Variants in LRRC72 observed in about 807,000 individuals in gnomAD.
LRRC72 encodes the protein leucine rich repeat containing 72.
A neutral mutation model predicts 35.8 loss-of-function variants in LRRC72; 41 were observed. That is an observed-to-expected ratio of 1.15 (90% CI 0.89 to 1.49). The LOEUF (loss-of-function observed/expected upper bound fraction) is 1.49. Among genes scored for constraint, LRRC72 ranks in the 40% most tolerant of loss-of-function variants. LRRC72 has a pLI of 0.00. For missense variants in LRRC72, 389 were observed against 330.7 expected (o/e 1.18, Z -1.37); for synonymous variants, 118 against 119.2 (o/e 0.99, Z 0.07).
intron 5 of LRRC72, among the ~76,000 whole-genome samples, chr7:16,562,775 C>A (rs1782765460): frequency 6.6e-6 from 1 of 152,190 alleles, no homozygotes; most frequent in Non-Finnish European, 1.5e-5. Context: ...GACCACCCCT[C>A]CCAAAAGACA....
At chr7:16,527,666 C>T (rs1782094622) in intron 1 of LRRC72, among the ~76,000 whole-genome samples, 1 of 152,028 alleles carries the variant, frequency 6.6e-6, no homozygotes, top group South Asian at 2.1e-4. Flanking sequence ...CCTAGCAAGG[C>T]TTTCTGGAGT....
At position 16,547,433 on chromosome 7, in the gene LRRC72, C is replaced by T. The variant is rs559409611; in HGVS notation, c.234+9737C>T. ...AAGCCATGGCTGCAACCTGGGCACC[C>T]CTGTGCTCTTGGGATCTGGGAGCAG... On this transcript the variant is annotated intron_variant, in intron 3 of 8. Coordinates refer to ENST00000401542, the MANE Select transcript of LRRC72 (RefSeq NM_001195280.2). 6.0e-4 allele frequency among the ~76,000 whole-genome samples: 91 copies of T among 152,278 alleles called. 5 individuals carry two copies. The South Asian group carries it at 0.018, about 31-fold the overall frequency.
chr7:16,570,312 G>A (rs1296063387), intron 7 of LRRC72, among the ~76,000 whole-genome samples: 2 of 152,178 alleles, frequency 1.3e-5, no homozygotes, highest in Non-Finnish European at 2.9e-5. Context: ...GAATGCCCTT[G>A]AGACAGGTCT....
chr7:16,570,353 C>T (rs572238802), intron 7 of LRRC72, among the ~76,000 whole-genome samples: 1 of 152,204 alleles, frequency 6.6e-6, no homozygotes. Context: ...GCTCTCCTTA[C>T]TGCCTTCTGG....
chr7:16,554,938 G>C (rs116540265), intron 3 of LRRC72, among the ~76,000 whole-genome samples: 1,824 of 152,298 alleles, frequency 0.012, 41 homozygotes, highest in African/African-American at 0.042. Context: ...AAAAAGTTCT[G>C]ATTTCCACTG....
rs749552183 is a variant in LRRC72 at position 16,532,635 on chromosome 7, A to G, written c.164+67A>G. The G allele has an allele frequency of 3.3e-6, 4 of 1,223,084 alleles. No individual in the cohort carries two copies. The South Asian group carries it at 3.9e-5, about 12-fold the overall frequency. The allele number at this position is 1,223,084 out of a possible 1,614,324, so 75.8% of individuals were successfully genotyped here. Reference sequence around the variant, plus strand: ...TCATGATCATGTTAAAATGTTTCACAGATTCAAATGTTATTTTCCATTTTT... The same window carrying G: ...TCATGATCATGTTAAAATGTTTCACGGATTCAAATGTTATTTTCCATTTTT... On this transcript the variant is annotated intron_variant, in intron 2 of 8. Coordinates refer to ENST00000401542, the MANE Select transcript of LRRC72 (RefSeq NM_001195280.2).
At chr7:16,534,624 CAG>C (rs1319972515) in intron 2 of LRRC72, among the ~76,000 whole-genome samples, 1 of 151,928 alleles carries the variant, frequency 6.6e-6, no homozygotes, top group Non-Finnish European at 1.5e-5. Context: ...GCCTGGGTGA[CAG>C]AGCGAGACTC....
At chr7:16,579,750 A>G (rs1223753288) in intron 7 of LRRC72, among the ~76,000 whole-genome samples, 1 of 152,160 alleles carries the variant, frequency 6.6e-6, no homozygotes, top group Non-Finnish European at 1.5e-5. Flanking sequence ...ATCAGCCTCA[A>G]TATCTTAATT....
intron 3 of LRRC72, among the ~76,000 whole-genome samples, chr7:16,539,188 G>C (rs573480237): frequency 6.6e-6 from 1 of 152,170 alleles, no homozygotes; most frequent in Non-Finnish European, 1.5e-5. Context: ...TGGACAATGA[G>C]GTCCAGGCTG....
chr7:16,581,541 C>T lies in LRRC72; in HGVS notation c.*52C>T, dbSNP rs921169271. ...GGTTTTCAGTTGTATATTAAACTTCCCTGTGACTTAGCATATTACATACTT... is the reference window on the plus strand; with the variant it reads ...GGTTTTCAGTTGTATATTAAACTTCTCTGTGACTTAGCATATTACATACTT... On this transcript the variant is annotated 3_prime_UTR_variant, in exon 9 of 9. Coordinates refer to ENST00000401542, the MANE Select transcript of LRRC72 (RefSeq NM_001195280.2). The T allele has an allele frequency of 7.4e-6, 10 of 1,348,648 alleles. No homozygotes were observed. The African/African-American group carries it at 1.5e-4, about 20-fold the overall frequency. 83.5% of individuals were successfully genotyped at this position (1,348,648 alleles called of 1,614,324 possible). A position where few individuals can be genotyped will look rare whatever the true frequency, so the allele number is the denominator to read the frequency against.
At chr7:16,551,883 G>A (rs1782555559) in intron 3 of LRRC72, among the ~76,000 whole-genome samples, 1 of 152,222 alleles carries the variant, frequency 6.6e-6, no homozygotes, top group African/African-American at 2.4e-5. Flanking sequence ...TTGGTCAGAA[G>A]CACAGGTAAA....
chr7:16,576,116 T>A (rs1783035936), intron 7 of LRRC72, among the ~76,000 whole-genome samples: 1 of 152,234 alleles, frequency 6.6e-6, no homozygotes, highest in Non-Finnish European at 1.5e-5. Context: ...ACAATTATTA[T>A]AAATCTACTC....
intron 5 of LRRC72, among the ~76,000 whole-genome samples, chr7:16,562,093 C>G (rs1782752985): frequency 6.6e-6 from 1 of 152,200 alleles, no homozygotes; most frequent in South Asian, 2.1e-4. Context: ...GCCTAGGAGA[C>G]GCATGGCTGA....
At position 16,531,947 on chromosome 7, in the gene LRRC72, T is replaced by C. The variant is rs1010113403; in HGVS notation, c.91-548T>C. 1.3e-4 allele frequency among the ~76,000 whole-genome samples: 20 copies of C among 152,274 alleles called. No homozygotes were observed. The South Asian group carries it at 1.4e-3, about 11-fold the overall frequency. The stretch of plus-strand genomic sequence containing the variant: ...CTGCTGCTTGCCAAGCAAGGGAAAA[T>C]GTATTTATTCATTTGTTCAGAGAAA... On this transcript the variant is annotated intron_variant, in intron 1 of 8. Transcript: ENST00000401542.
At chr7:16,529,776 C>G (rs944079645) in intron 1 of LRRC72, among the ~76,000 whole-genome samples, 4 of 152,204 alleles carry the variant, frequency 2.6e-5, no homozygotes, top group African/African-American at 7.2e-5. Context: ...TTCCCTTTCA[C>G]CTCACATTTT....
intron 3 of LRRC72, among the ~76,000 whole-genome samples, chr7:16,545,224 A>G (rs943957189): frequency 2.0e-5 from 3 of 152,216 alleles, no homozygotes; most frequent in African/African-American, 7.2e-5. Flanking sequence ...CTTAGGCTCA[A>G]TCTTCGATAC....
intron 7 of LRRC72, among the ~76,000 whole-genome samples, chr7:16,571,088 C>G (rs1275993716): frequency 6.6e-6 from 1 of 151,578 alleles, no homozygotes; most frequent in East Asian, 1.9e-4. Flanking sequence ...TCCTTTATTC[C>G]TAGTATTTCC....
At chr7:16,559,581 A>T (rs1201773582) in intron 5 of LRRC72, among the ~76,000 whole-genome samples, 1 of 152,138 alleles carries the variant, frequency 6.6e-6, no homozygotes, top group Non-Finnish European at 1.5e-5. Context: ...TTTTATCTCA[A>T]AAGTAAGTTT....
rs548887634 is a variant in LRRC72 at position 16,552,938 on chromosome 7, A to C, written c.235-4422A>C. Among the ~76,000 whole-genome samples, 6 of 152,290 alleles carry C rather than the reference A, an allele frequency of 3.9e-5. No individual in the cohort carries two copies. In the South Asian group the frequency reaches 1.2e-3, roughly 32 times the overall value. On this transcript the variant is annotated intron_variant, in intron 3 of 8. Coordinates refer to ENST00000401542, the MANE Select transcript of LRRC72 (RefSeq NM_001195280.2). ...CTGTATAATCGTGGGTAAATTACTT[A>C]ACCTTTCTGTGCCTCAGTTTCATCA...
Sources: allele counts gnomAD v4.1 joint callset (sites outside exome capture counted in the v4.1 genomes callset), GRCh38; gene constraint gnomAD v4.1.1; transcripts MANE v1.5; gene names NCBI Gene and HGNC (gene_info 2026-07-23, HGNC 2026-07-21).